PDE8A: variants seen among roughly 807,000 people sequenced by gnomAD.
PDE8A encodes the protein phosphodiesterase 8A, also known as high affinity cAMP-specific and IBMX-insensitive 3',5'-cyclic phosphodiesterase 8A.
PDE8A carries 59 observed loss-of-function variants against 105.0 expected under a neutral mutation model. The observed-to-expected ratio is 0.56, with a 90% CI of 0.46 to 0.70. The LOEUF is 0.70. PDE8A is among the 30% of genes least tolerant of loss of function. The pLI, the probability that PDE8A is intolerant of heterozygous loss-of-function variation, is 0.00. For synonymous variants in PDE8A, 355 were observed against 371.9 expected, an observed-to-expected ratio of 0.95 and a Z score of 0.52; for missense variants, 1,014 against 1,045.9, an observed-to-expected ratio of 0.97 and a Z score of 0.42.
intron 1 of PDE8A, among the ~76,000 whole-genome samples, chr15:85,020,896 AATTAAC>A (rs1429265882): frequency 6.6e-6 from 1 of 152,138 alleles, no homozygotes; most frequent in Non-Finnish European, 1.5e-5. Context: ...AAGATCATCA[AATTAAC>A]ATTGTTACAG....
intron 14 of PDE8A, 144 bp from the exon 15 acceptor site, chr15:85,115,295 T>A (rs1002210119): frequency 3.3e-6 from 2 of 599,394 alleles, no homozygotes; most frequent in Non-Finnish European, 5.9e-6. Context: ...ATCACAGGGG[T>A]GGACCTGCTG....
At chr15:85,103,793 G>T (rs900371241) in intron 11 of PDE8A, among the ~76,000 whole-genome samples, 1 of 152,172 alleles carries the variant, frequency 6.6e-6, no homozygotes, top group Non-Finnish European at 1.5e-5. Flanking sequence ...TCTGGTTATA[G>T]GGTGTTGCTG....
In PDE8A at chr15:85,123,088, G is replaced by A. The variant is rs774453193; in HGVS notation, c.1980G>A (p.Gly660=). Residue 660 remains glycine, a synonymous_variant, in exon 19 of 22, where the codon GGG becomes GGA. Transcript: ENST00000394553. The part of the protein sequence containing the change: ...ERNDYRTLRQ[G]IIDMVLATEM... ...ATGATTATCGGACACTGCGCCAGGG[G>A]ATTATCGACATGGTCTTAGCCACAG... 4.3e-6 allele frequency: 7 copies of A among 1,614,056 alleles called. No homozygotes were observed. The highest frequency in any genetic ancestry group is 5.1e-6 in the Non-Finnish European group (6 of 1,179,972).
intron 20 of PDE8A, among the ~76,000 whole-genome samples, chr15:85,134,103 C>T (rs944858107): frequency 6.6e-6 from 1 of 152,158 alleles, no homozygotes; most frequent in African/African-American, 2.4e-5. Flanking sequence ...GAACGGGGGC[C>T]CCTGGACGTT....
chr15:84,991,040 T>G (rs1460472132), intron 1 of PDE8A, among the ~76,000 whole-genome samples: 1 of 152,222 alleles, frequency 6.6e-6, no homozygotes, highest in Non-Finnish European at 1.5e-5. Flanking sequence ...TGCTGTCTTT[T>G]TAAAGTTTTT....
At chr15:85,043,680 TTTTG>T (rs148058433) in intron 1 of PDE8A, among the ~76,000 whole-genome samples, 100 of 150,234 alleles carry the variant, frequency 6.7e-4, no homozygotes, top group Middle Eastern at 3.4e-3. Context: ...ATTAATGGTT[TTTTG>T]TTTGTTTGTT....
At chr15:85,117,506 G>A (rs2082114512) in intron 16 of PDE8A, 135 bp from the exon 17 acceptor site, 1 of 733,180 alleles carries the variant, frequency 1.4e-6, no homozygotes, top group Admixed American at 2.1e-5. Flanking sequence ...CCAGAGAGAG[G>A]CCAGCACAGC....
Position 85,062,025 on chromosome 15 carries a change from T to C in PDE8A, c.187-2345T>C, listed in dbSNP as rs370411898. On this transcript the variant is annotated intron_variant, in intron 1 of 21. Transcript: ENST00000394553. ...ATTTTCTTGACTTTCTCCACATCTT[T>C]CTTTAGTTCTTTTAGCATCTTGAAG... is the stretch of plus-strand genomic sequence containing the variant. Among the ~76,000 whole-genome samples the C allele has an allele frequency of 1.6e-4, 25 of 152,336 alleles. No homozygotes were observed. In the East Asian group the frequency reaches 4.2e-3, roughly 26 times the overall value.
rs199542836 is a variant in PDE8A, at chr15:85,120,975, C to G, written c.1913C>G (p.Thr638Ser). The G allele has an allele frequency of 1.9e-6, 3 of 1,613,512 alleles. No individual in the cohort carries two copies. Among genetic ancestry groups the G allele is most frequent in the Non-Finnish European group, 2.5e-6 (3 of 1,179,626 alleles). The part of the protein sequence containing the change: ...HHAALAFQLT[T>S]GDDKCNIFKN... ...GCGGCCTTGGCCTTCCAGCTGACCA[C>G]TGGAGATGATAAATGCAATATATTT... The change falls in exon 18 of 22, where the codon ACT (threonine) becomes AGT (serine). Residue 638 changes from threonine (T) to serine (S), a missense_variant. Coordinates refer to ENST00000394553, the MANE Select transcript of PDE8A (RefSeq NM_002605.3).
At chr15:85,035,357 C>T (rs771937423) in intron 1 of PDE8A, among the ~76,000 whole-genome samples, 2 of 151,734 alleles carry the variant, frequency 1.3e-5, no homozygotes, top group Non-Finnish European at 2.9e-5. Flanking sequence ...TACAGGCGCC[C>T]GCCACCACGC....
At chr15:85,074,670 G>A (rs1252442250) in intron 3 of PDE8A, among the ~76,000 whole-genome samples, 4 of 152,222 alleles carry the variant, frequency 2.6e-5, no homozygotes, top group Non-Finnish European at 4.4e-5. Context: ...ATAGGAACCT[G>A]TCTCAAAAAG....
intron 1 of PDE8A, among the ~76,000 whole-genome samples, chr15:85,009,112 T>TGC (rs1465749596): frequency 3.8e-5 from 1 of 26,596 alleles, no homozygotes; most frequent in Non-Finnish European, 7.7e-5. Flanking sequence ...AGAGAGAGAG[T>TGC]GTGTGTGTGT....
chr15:85,090,456 C>T (rs868450706), intron 7 of PDE8A, among the ~76,000 whole-genome samples: 3 of 152,288 alleles, frequency 2.0e-5, no homozygotes, highest in South Asian at 2.1e-4. Flanking sequence ...GCTTATCTTA[C>T]AGTCATATCT....
chr15:85,020,991 C>G (rs867053840), intron 1 of PDE8A, among the ~76,000 whole-genome samples: 2 of 152,180 alleles, frequency 1.3e-5, no homozygotes, highest in Non-Finnish European at 2.9e-5. Flanking sequence ...TGTTCGTATT[C>G]TCCCAAAATT....
Position 85,002,022 on chromosome 15 carries a change from T to G in PDE8A, c.186+19674T>G, listed in dbSNP as rs1384773915. The stretch of plus-strand genomic sequence containing the variant: ...TCTCGCTATGTTGCCCATGCTGGTC[T>G]TGAATTCCTGGCCTCAAGTGATCCT... On this transcript the variant is annotated intron_variant, in intron 1 of 21. Transcript: ENST00000394553. Among the ~76,000 whole-genome samples the G allele has an allele frequency of 2.0e-5, 3 of 152,132 alleles. No homozygotes were observed. The East Asian group carries it at 5.8e-4, about 29-fold the overall frequency.
At chr15:85,109,018 T>C (rs1430458594) in intron 11 of PDE8A, 35 bp from the exon 12 acceptor site, 1 of 1,417,658 alleles carries the variant, frequency 7.1e-7, no homozygotes, top group Non-Finnish European at 9.9e-7. Flanking sequence ...TGTTTAAATA[T>C]CTTTGAAGAG....
At chr15:85,100,279 C>T in intron 11 of PDE8A, 81 bp downstream of exon 11, 1 of 1,233,734 alleles carries the variant, frequency 8.1e-7, no homozygotes, top group Non-Finnish European at 1.2e-6. Flanking sequence ...ACTAGCTTGC[C>T]TGGTGTAATG....
Position 85,123,162 on chromosome 15 carries a change from A to G in PDE8A, c.2054A>G (p.Asn685Ser), listed in dbSNP as rs1323514040. The change falls in exon 19 of 22, where the codon AAC (asparagine) becomes AGC (serine). Residue 685 changes from asparagine (N) to serine (S), a missense_variant. Transcript: ENST00000394553. The part of the protein sequence containing the change: ...EHVNKFVNSI[N>S]KPLATLEENG... The stretch of plus-strand genomic sequence containing the variant: ...GTCAACAAATTTGTCAACAGCATCA[A>G]CAAACCCTTGGCAACACTAGAAGAA... 3.7e-6 allele frequency: 6 copies of G among 1,614,134 alleles called. No homozygotes were observed. The highest frequency in any genetic ancestry group is 1.7e-5 in the Admixed American group (1 of 60,010).
chr15:84,994,116 A>AT (rs369010788), intron 1 of PDE8A, among the ~76,000 whole-genome samples: 1 of 152,188 alleles, frequency 6.6e-6, no homozygotes, highest in Non-Finnish European at 1.5e-5. Flanking sequence ...TTTTAGCTCA[A>AT]TATTTTAAGT....
Sources: allele counts gnomAD v4.1 joint callset (sites outside exome capture counted in the v4.1 genomes callset), GRCh38; gene constraint gnomAD v4.1.1; transcripts MANE v1.5; gene names NCBI Gene and HGNC (gene_info 2026-07-23, HGNC 2026-07-21).